Variants in FAT3 observed in about 807,000 individuals in gnomAD.
FAT3 encodes the protein FAT atypical cadherin 3, also known as protocadherin Fat 3.
FAT3 carries 95 observed loss-of-function variants against 310.2 expected under a neutral mutation model. The observed-to-expected ratio is 0.31, with a 90% CI of 0.26 to 0.36. The LOEUF (loss-of-function observed/expected upper bound fraction) is 0.36, where lower values mean the gene tolerates loss of function less well. Among genes scored for constraint, FAT3 ranks in the 10% least tolerant of loss-of-function variants. The probability of loss-of-function intolerance (pLI) is 1.00; values close to 1 mark genes in which losing one functional copy is unlikely to be tolerated. For missense variants in FAT3, 5,408 were observed against 5,715.6 expected (o/e 0.95, Z 1.74); for synonymous variants, 2,314 against 2,192.9 (o/e 1.06, Z -1.54).
intron 23 of FAT3, 98 bp from the exon 24 acceptor site, chr11:92,882,633 GGTGCATC>G (rs1274316177): frequency 5.0e-6 from 4 of 793,878 alleles, no homozygotes; most frequent in African/African-American, 4.4e-5. Flanking sequence ...GTACCCTTTA[GGTGCATC>G]GTTTTCTTTT....
chr11:92,433,103 C>T (rs997066405), intron 2 of FAT3, among the ~76,000 whole-genome samples: 2 of 152,058 alleles, frequency 1.3e-5, no homozygotes, highest in Non-Finnish European at 2.9e-5. Context: ...CTCAAGTGTC[C>T]CGGGTGGACT....
chr11:92,783,168 G>A (rs767616941), intron 7 of FAT3, among the ~76,000 whole-genome samples: 11 of 151,638 alleles, frequency 7.3e-5, no homozygotes, highest in South Asian at 6.2e-4. Context: ...GACCAGCCTG[G>A]CCAACATAGT....
chr11:92,668,373 C>T lies in FAT3; in HGVS notation c.3608-29011C>T, dbSNP rs138457318. Among the ~76,000 whole-genome samples, 4 of 152,284 alleles carry T rather than the reference C, an allele frequency of 2.6e-5. No individual in the cohort carries two copies. The East Asian group carries it at 7.7e-4, about 29-fold the overall frequency. ...AGAAGAATAAGACATGGTCTTTACCCATAGGAGATTCAGGATAGGATATCA... is the reference window on the plus strand; with the variant it reads ...AGAAGAATAAGACATGGTCTTTACCTATAGGAGATTCAGGATAGGATATCA... On this transcript the variant is annotated intron_variant, in intron 3 of 27. Coordinates refer to ENST00000525166, the MANE Select transcript of FAT3 (RefSeq NM_001367949.2).
intron 1 of FAT3, among the ~76,000 whole-genome samples, chr11:92,247,485 G>C (rs1864966436): frequency 6.6e-6 from 1 of 152,006 alleles, no homozygotes; most frequent in Non-Finnish European, 1.5e-5. Flanking sequence ...GAAGCGTGAA[G>C]AAAGATTACA....
chr11:92,579,004 T>C (rs1169321136), intron 3 of FAT3, among the ~76,000 whole-genome samples: 2 of 152,132 alleles, frequency 1.3e-5, no homozygotes, highest in Non-Finnish European at 2.9e-5. Flanking sequence ...ATAAGGACAT[T>C]TCTAAGTTTC....
intron 3 of FAT3, among the ~76,000 whole-genome samples, chr11:92,613,132 C>A (rs538378158): frequency 6.6e-6 from 1 of 152,150 alleles, no homozygotes; most frequent in African/African-American, 2.4e-5. Context: ...TTCAAGTATT[C>A]AATGGGCTCC....
At chr11:92,877,190 C>G (rs1373510027) in intron 22 of FAT3, among the ~76,000 whole-genome samples, 1 of 152,148 alleles carries the variant, frequency 6.6e-6, no homozygotes, top group Non-Finnish European at 1.5e-5. Context: ...TAAATTCCAG[C>G]TGGTAGAAGG....
At chr11:92,258,480 G>T (rs1048731236) in intron 1 of FAT3, among the ~76,000 whole-genome samples, 3 of 152,064 alleles carry the variant, frequency 2.0e-5, no homozygotes, top group African/African-American at 7.2e-5. Flanking sequence ...TTCCAACTGG[G>T]TATAGGAGCA....
chr11:92,570,421 C>A (rs933247057), intron 3 of FAT3, among the ~76,000 whole-genome samples: 3 of 152,126 alleles, frequency 2.0e-5, no homozygotes, highest in Admixed American at 6.6e-5. Context: ...TTAATGATGT[C>A]ACCTTGAGAA....
At chr11:92,637,812 A>G (rs11020031) in intron 3 of FAT3, among the ~76,000 whole-genome samples, 4,217 of 152,312 alleles carry the variant, frequency 0.028, 216 homozygotes, top group African/African-American at 0.096. Context: ...ACTCTATCAT[A>G]TTCTAAATAA....
chr11:92,598,988 G>A (rs7939938), intron 3 of FAT3, among the ~76,000 whole-genome samples: 4,263 of 152,216 alleles, frequency 0.028, 220 homozygotes, highest in African/African-American at 0.097. Flanking sequence ...TTTGCTCCAT[G>A]CTACCCTGCT....
At chr11:92,889,991 T>G (rs766650752) in intron 27 of FAT3, 100 bp downstream of exon 27, 1 of 717,122 alleles carries the variant, frequency 1.4e-6, no homozygotes, top group Admixed American at 2.0e-5. Context: ...GATCTGAATT[T>G]TGCATGTCTC....
intron 2 of FAT3, among the ~76,000 whole-genome samples, chr11:92,486,933 C>T (rs1330581460): frequency 6.6e-6 from 1 of 152,090 alleles, no homozygotes; most frequent in Non-Finnish European, 1.5e-5. Context: ...AAGCTTTTCT[C>T]AAATATTGGG....
chr11:92,381,611 T>C (rs148367502), intron 2 of FAT3, among the ~76,000 whole-genome samples: 288 of 152,258 alleles, frequency 1.9e-3, no homozygotes, highest in African/African-American at 6.5e-3. Flanking sequence ...TATCCTTCCT[T>C]CCGAAACACC....
intron 3 of FAT3, among the ~76,000 whole-genome samples, chr11:92,548,713 G>T (rs572728577): frequency 6.6e-6 from 1 of 152,242 alleles, no homozygotes; most frequent in Admixed American, 6.5e-5. Flanking sequence ...CTCAGTAAAA[G>T]ATCTTTCTGA....
chr11:92,281,603 C>G (rs766201280), intron 1 of FAT3, among the ~76,000 whole-genome samples: 4 of 152,116 alleles, frequency 2.6e-5, no homozygotes, highest in Non-Finnish European at 2.9e-5. Context: ...TTCTTAAGGG[C>G]AGGCATGAGT....
intron 2 of FAT3, among the ~76,000 whole-genome samples, chr11:92,444,199 T>C (rs1457349580): frequency 6.6e-6 from 1 of 152,168 alleles, no homozygotes; most frequent in African/African-American, 2.4e-5. Flanking sequence ...TTCTCATCTG[T>C]TGTTTTCAAA....
intron 1 of FAT3, among the ~76,000 whole-genome samples, chr11:92,288,310 A>G (rs1002805644): frequency 1.3e-5 from 2 of 152,154 alleles, no homozygotes; most frequent in African/African-American, 4.8e-5. Context: ...TTTGAGAGTT[A>G]CTAATCAAAG....
At chr11:92,836,887 A>G (rs910850352) in intron 16 of FAT3, among the ~76,000 whole-genome samples, 184 bp downstream of exon 16, 3 of 152,196 alleles carry the variant, frequency 2.0e-5, no homozygotes, top group Non-Finnish European at 2.9e-5. Flanking sequence ...TCTACCTATA[A>G]TAGATGCTGG....
Sources: gnomAD v4.1 joint callset for allele counts (sites outside exome capture counted in the v4.1 genomes callset) on GRCh38, gnomAD v4.1.1 for gene constraint, MANE v1.5 for transcripts, NCBI Gene and HGNC (gene_info 2026-07-23, HGNC 2026-07-21) for gene names.